SMAD9: variants seen among roughly 807,000 people sequenced by gnomAD.
SMAD9 encodes the protein SMAD family member 9, also known as MAD homolog 9.
Under a neutral mutation model 46.1 loss-of-function variants are expected in SMAD9, and 36 were observed. That is an observed-to-expected ratio of 0.78 (90% CI 0.60 to 1.03). The LOEUF (loss-of-function observed/expected upper bound fraction) is 1.03, where lower values mean the gene tolerates loss of function less well. Ranked by LOEUF, SMAD9 falls within the 50% of genes least tolerant of loss-of-function variation. SMAD9 has a pLI of 0.00. For missense variants in SMAD9, 572 were observed against 599.8 expected, an observed-to-expected ratio of 0.95 and a Z score of 0.48; for synonymous variants, 245 against 237.1, an observed-to-expected ratio of 1.03 and a Z score of -0.31.
At chr13:36,860,098 T>C (rs953309545) in intron 5 of SMAD9, among the ~76,000 whole-genome samples, 2 of 152,226 alleles carry the variant, frequency 1.3e-5, no homozygotes, top group Non-Finnish European at 2.9e-5. Flanking sequence ...CTTTACTCTA[T>C]GGATTTGCCT....
chr13:36,916,655 T>C (rs2058700592), intron 1 of SMAD9, among the ~76,000 whole-genome samples: 1 of 152,094 alleles, frequency 6.6e-6, no homozygotes. Context: ...AAACAGTCCC[T>C]TCCTTCCTGG....
At chr13:36,891,285 A>C (rs1051584094) in intron 1 of SMAD9, among the ~76,000 whole-genome samples, 1 of 152,158 alleles carries the variant, frequency 6.6e-6, no homozygotes, top group Admixed American at 6.5e-5. Flanking sequence ...TGATTCAGTC[A>C]ACAAGTATTT....
chr13:36,849,469 T>C (rs569782), intron 6 of SMAD9: 9,846 of 152,318 alleles, frequency 0.065, 635 homozygotes, highest in African/African-American at 0.16. Flanking sequence ...AGTGATTCTC[T>C]GTAGAGTTTT....
At chr13:36,879,233 A>T (rs1321560625) in intron 2 of SMAD9, 45 bp downstream of exon 2, 1 of 1,554,726 alleles carries the variant, frequency 6.4e-7, no homozygotes, top group East Asian at 2.2e-5. Flanking sequence ...GGGGCACACG[A>T]CCTTCACTCT....
intron 1 of SMAD9, among the ~76,000 whole-genome samples, chr13:36,914,815 TG>T (rs1370665572): frequency 1.3e-5 from 2 of 152,208 alleles, no homozygotes; most frequent in African/African-American, 2.4e-5. Flanking sequence ...GCACTTCAGT[TG>T]AACGCTACCA....
intron 1 of SMAD9, among the ~76,000 whole-genome samples, chr13:36,882,360 C>A (rs2058411791): frequency 6.6e-6 from 1 of 152,048 alleles, no homozygotes; most frequent in African/African-American, 2.4e-5. Flanking sequence ...CTAAACCATA[C>A]ATTTTTCTTC....
At chr13:36,882,869 T>G (rs990547140) in intron 1 of SMAD9, among the ~76,000 whole-genome samples, 7 of 152,026 alleles carry the variant, frequency 4.6e-5, no homozygotes, top group African/African-American at 1.7e-4. Context: ...GAGGCTGAGG[T>G]GGGAGGATCA....
chr13:36,851,296 C>T (rs148762760), intron 6 of SMAD9, among the ~76,000 whole-genome samples: 1 of 152,264 alleles, frequency 6.6e-6, no homozygotes, highest in Non-Finnish European at 1.5e-5. Context: ...CAGGTGTATG[C>T]TGTTGCCTTG....
chr13:36,872,959 C>T (rs1323879400), intron 2 of SMAD9, 44 bp from the exon 3 acceptor site: 1 of 1,606,270 alleles, frequency 6.2e-7, no homozygotes. Flanking sequence ...GAACATTGCT[C>T]ATCAGTACAC....
rs150237947 is a variant in SMAD9, at chr13:36,853,644, C to T, written c.1035G>A (p.Val345=). ...TGCTGTCACTCACGCACTCGGCATA[C>T]ACCTCTCCCCCGACGTAGTACAAGT... ...GVHLYYVGGE[V]YAECVSDSSI... is the part of the protein sequence containing the mutation. Residue 345 remains valine, a synonymous_variant, in exon 6 of 7, where the codon GTG becomes GTA. Coordinates refer to ENST00000379826, the MANE Select transcript of SMAD9 (RefSeq NM_001127217.3). The T allele has an allele frequency of 1.2e-4, 188 of 1,614,092 alleles. No individual in the cohort carries two copies. In the African/African-American group the frequency reaches 2.0e-3, roughly 17 times the overall value.
intron 6 of SMAD9, among the ~76,000 whole-genome samples, chr13:36,853,205 A>G (rs2058089182): frequency 6.6e-6 from 1 of 152,082 alleles, no homozygotes; most frequent in Non-Finnish European, 1.5e-5. Context: ...AAATCGCTTG[A>G]ACCCGGGAGG....
chr13:36,872,853 T>C lies in SMAD9; in HGVS notation c.475A>G (p.Lys159Glu), dbSNP rs1407997046. The C allele has an allele frequency of 3.1e-6, 5 of 1,613,988 alleles. No homozygotes were observed. Among genetic ancestry groups the C allele is most frequent in the Middle Eastern group, 1.6e-4 (1 of 6,084 alleles). Residue 159 changes from lysine to glutamate, a missense_variant, in exon 3 of 7, where the codon AAG becomes GAG. Physicochemically the swap from Lys to Glu is moderately conservative, Grantham distance 56 (BLOSUM62 1). Transcript: ENST00000379826. The part of the protein sequence containing the change: ...EYNPQLSLLA[K>E]FRSASLHSEP... ...CTGTGCAGGGAGGCGCTGCGGAACT[T>C]GGCCAGGAGGCTGAGCTGGGGGTTA... is the stretch of plus-strand genomic sequence containing the variant.
chr13:36,918,960 CCAAAAGAT>C (rs1355755835), intron 1 of SMAD9, among the ~76,000 whole-genome samples: 2 of 152,162 alleles, frequency 1.3e-5, no homozygotes, highest in Non-Finnish European at 2.9e-5. Context: ...ACCTACATTT[CCAAAAGAT>C]CATCCGAGAA....
chr13:36,869,900 T>C (rs2058274373), intron 3 of SMAD9, among the ~76,000 whole-genome samples: 1 of 152,116 alleles, frequency 6.6e-6, no homozygotes, highest in Non-Finnish European at 1.5e-5. Flanking sequence ...AATTAACATA[T>C]GAGAAACCAC....
intron 1 of SMAD9, among the ~76,000 whole-genome samples, chr13:36,918,528 G>T (rs897667277): frequency 6.6e-6 from 1 of 152,196 alleles, no homozygotes; most frequent in African/African-American, 2.4e-5. Context: ...TTCGGATACA[G>T]TACTTGAAAT....
chr13:36,897,920 G>A (rs1854259), intron 1 of SMAD9, among the ~76,000 whole-genome samples: 33,436 of 145,944 alleles, frequency 0.23, 3,865 homozygotes, highest in African/African-American at 0.25. Flanking sequence ...GCAATGGTGC[G>A]ATCTTGGCTC....
chr13:36,874,053 G>C (rs192528050), intron 2 of SMAD9, among the ~76,000 whole-genome samples: 1 of 152,186 alleles, frequency 6.6e-6, no homozygotes, highest in African/African-American at 2.4e-5. Context: ...ACTCCTAGAA[G>C]GTTACAATGC....
chr13:36,855,023 C>A (rs2058109730), intron 5 of SMAD9, among the ~76,000 whole-genome samples: 2 of 151,962 alleles, frequency 1.3e-5, no homozygotes, highest in Non-Finnish European at 2.9e-5. Context: ...CTCACACCTG[C>A]AATCCCAGCA....
intron 1 of SMAD9, among the ~76,000 whole-genome samples, chr13:36,907,420 G>A (rs1418094452): frequency 6.6e-6 from 1 of 152,202 alleles, no homozygotes; most frequent in African/African-American, 2.4e-5. Context: ...TGTGATCCCA[G>A]GGCTTTGGGA....
Sources: gnomAD v4.1 joint callset for allele counts (sites outside exome capture counted in the v4.1 genomes callset) on GRCh38, gnomAD v4.1.1 for gene constraint, MANE v1.5 for transcripts, NCBI Gene and HGNC (gene_info 2026-07-23, HGNC 2026-07-21) for gene names.